The following PRR5L variants were observed in gnomAD, a reference collection of about 807,000 sequenced individuals.
PRR5L encodes proline-rich protein 5-like.
A neutral mutation model predicts 36.4 loss-of-function variants in PRR5L; 21 were observed. That is an observed-to-expected ratio of 0.58 (90% confidence interval 0.41 to 0.83). The LOEUF (loss-of-function observed/expected upper bound fraction) is 0.83, where lower values mean the gene tolerates loss of function less well. Among genes scored for constraint, PRR5L ranks in the 40% least tolerant of loss-of-function variants. PRR5L has a pLI of 0.00. For missense variants in PRR5L, 381 were observed against 473.3 expected (o/e 0.80, Z 1.81); for synonymous variants, 188 against 197.0 (o/e 0.95, Z 0.38).
chr11:36,312,561 G>A (rs979359576), intron 1 of PRR5L, among the ~76,000 whole-genome samples: 1 of 152,200 alleles, frequency 6.6e-6, no homozygotes, highest in Non-Finnish European at 1.5e-5. Context: ...GGTGGTTTAA[G>A]GTGATGGATA....
intron 1 of PRR5L, among the ~76,000 whole-genome samples, chr11:36,363,445 T>A (rs1476562505): frequency 6.6e-6 from 1 of 152,242 alleles, no homozygotes; most frequent in East Asian, 1.9e-4. Context: ...AATAGCTCAA[T>A]GCCTTTTCTG....
At chr11:36,315,103 G>A (rs1249925261) in intron 1 of PRR5L, among the ~76,000 whole-genome samples, 5 of 152,170 alleles carry the variant, frequency 3.3e-5, no homozygotes, top group Admixed American at 2.6e-4. Flanking sequence ...AGGGCACAAA[G>A]GAGTGAACAG....
intron 1 of PRR5L, chr11:36,375,924 T>C: frequency 3.1e-6 from 1 of 320,708 alleles, no homozygotes; most frequent in South Asian, 2.5e-5. Flanking sequence ...AGTTCCAGGC[T>C]CCACTCCTCT....
chr11:36,370,269 T>C (rs927339610), intron 1 of PRR5L, among the ~76,000 whole-genome samples: 5 of 152,332 alleles, frequency 3.3e-5, no homozygotes, highest in African/African-American at 1.2e-4. Context: ...AAATGCCTCT[T>C]TTCATCATTT....
At chr11:36,341,127 A>G (rs1856813135) in intron 1 of PRR5L, among the ~76,000 whole-genome samples, 1 of 152,124 alleles carries the variant, frequency 6.6e-6, no homozygotes, top group Non-Finnish European at 1.5e-5. Context: ...ACTGGCCTTT[A>G]TGCCAATATC....
chr11:36,366,188 G>A (rs1448602194), intron 1 of PRR5L, among the ~76,000 whole-genome samples: 2 of 152,142 alleles, frequency 1.3e-5, no homozygotes, highest in Non-Finnish European at 2.9e-5. Flanking sequence ...CTTGGGAAAT[G>A]ACTAAGCTGT....
At chr11:36,436,270 C>T (rs1429434702) in intron 5 of PRR5L, among the ~76,000 whole-genome samples, 1 of 152,174 alleles carries the variant, frequency 6.6e-6, no homozygotes, top group Non-Finnish European at 1.5e-5. Context: ...CTTGGCTGAC[C>T]CAGTTTCTCT....
In PRR5L at chr11:36,401,211, C is replaced by T. The variant is rs140007778; in HGVS notation, c.90C>T (p.Pro30=). 6.3e-5 allele frequency: 101 copies of T among 1,613,890 alleles called. No homozygotes were observed. The highest frequency in any genetic ancestry group is 8.1e-5 in the Non-Finnish European group (95 of 1,179,986). ...CTAGACCGCGCTTCATGAGCTCCCC[C>T]GTGCTCAGCGACCTTCCCCGATTCC... ...RRPRPRFMSS[P]VLSDLPRFQA... is the part of the protein sequence containing the mutation. Residue 30 remains proline, a synonymous_variant, in exon 2 of 9, where the codon CCC becomes CCT. Coordinates refer to ENST00000530639, the MANE Select transcript of PRR5L (RefSeq NM_001160167.2).
chr11:36,362,620 G>A (rs1322364570), intron 1 of PRR5L, among the ~76,000 whole-genome samples: 2 of 152,100 alleles, frequency 1.3e-5, no homozygotes, highest in African/African-American at 4.8e-5. Context: ...CTGTTTGAAA[G>A]CATAATCAAT....
At chr11:36,343,663 C>T (rs965288019) in intron 1 of PRR5L, among the ~76,000 whole-genome samples, 8 of 152,210 alleles carry the variant, frequency 5.3e-5, no homozygotes, top group Non-Finnish European at 1.2e-4. Context: ...CTAACTTTCA[C>T]CCATCAGCCT....
chr11:36,438,353 C>T (rs1250284684), intron 6 of PRR5L, among the ~76,000 whole-genome samples: 1 of 152,218 alleles, frequency 6.6e-6, no homozygotes. Context: ...TGCAGAGGAA[C>T]ACAGCCATTA....
intron 1 of PRR5L, among the ~76,000 whole-genome samples, chr11:36,314,331 A>G (rs902439745): frequency 2.0e-5 from 3 of 152,182 alleles, no homozygotes; most frequent in African/African-American, 7.2e-5. Flanking sequence ...TTGCCTTGCA[A>G]CAGTCCACAG....
chr11:36,431,953 C>T (rs774332057), intron 5 of PRR5L, 43 bp downstream of exon 5: 2 of 1,562,402 alleles, frequency 1.3e-6, no homozygotes, highest in East Asian at 4.5e-5. Flanking sequence ...CTCTGTGACT[C>T]AGTCTTTGAT....
At chr11:36,358,648 T>C (rs1857053413) in intron 1 of PRR5L, among the ~76,000 whole-genome samples, 1 of 152,214 alleles carries the variant, frequency 6.6e-6, no homozygotes, top group South Asian at 2.1e-4. Context: ...GAACCAAACC[T>C]GCAATATCTC....
chr11:36,307,615 G>A (rs1475045010), intron 1 of PRR5L, among the ~76,000 whole-genome samples: 2 of 152,172 alleles, frequency 1.3e-5, no homozygotes, highest in African/African-American at 4.8e-5. Flanking sequence ...AGTAGTGCAT[G>A]AGGATACCAG....
At chr11:36,389,833 G>A (rs572642431) in intron 1 of PRR5L, among the ~76,000 whole-genome samples, 120 of 152,128 alleles carry the variant, frequency 7.9e-4, no homozygotes, top group Middle Eastern at 3.4e-3. Context: ...GGCTGGTCTC[G>A]AACTCCTGAG....
At chr11:36,412,992 G>A (rs11033603) in intron 3 of PRR5L, among the ~76,000 whole-genome samples, 11,088 of 152,124 alleles carry the variant, frequency 0.073, 766 homozygotes, top group African/African-American at 0.18. Context: ...GTGAGGAAGC[G>A]TCTGCCAAGT....
chr11:36,385,596 T>C (rs1210410158), intron 1 of PRR5L, among the ~76,000 whole-genome samples: 1 of 152,260 alleles, frequency 6.6e-6, no homozygotes, highest in Non-Finnish European at 1.5e-5. Flanking sequence ...CAGACTCTTC[T>C]CTCTGCACTC....
At chr11:36,405,443 C>T (rs950473009) in intron 3 of PRR5L, among the ~76,000 whole-genome samples, 1 of 152,200 alleles carries the variant, frequency 6.6e-6, no homozygotes, top group African/African-American at 2.4e-5. Flanking sequence ...TTTTATAACA[C>T]CAGCCATTGC....
Sources: allele counts gnomAD v4.1 joint callset (sites outside exome capture counted in the v4.1 genomes callset), GRCh38; gene constraint gnomAD v4.1.1; transcripts MANE v1.5; gene names NCBI Gene and HGNC (gene_info 2026-07-23, HGNC 2026-07-21).